PHF24: variants seen among roughly 807,000 people sequenced by gnomAD.
The protein encoded by PHF24 is Galpha inhibitory interacting protein.
Under a neutral mutation model 42.6 loss-of-function variants are expected in PHF24, and 25 were observed. The observed-to-expected ratio is 0.59, with a 90% CI of 0.43 to 0.82. PHF24 has a LOEUF of 0.82. Ranked by LOEUF, PHF24 falls within the 40% of genes least tolerant of loss-of-function variation. The pLI is 0.00. For synonymous variants in PHF24, 185 were observed against 204.8 expected, an observed-to-expected ratio of 0.90 and a Z score of 0.83; for missense variants, 470 against 538.1, an observed-to-expected ratio of 0.87 and a Z score of 1.25.
chr9:34,723,570 G>A, the PHF24 span: 2 of 1,551,622 alleles, frequency 1.3e-6, no homozygotes, highest in South Asian at 2.4e-5. Context: ...TTTGTCTTGG[G>A]GTTAATATGC....
chr9:34,893,266 A>T, the PHF24 span: 1 of 427,176 alleles, frequency 2.3e-6, no homozygotes, highest in Admixed American at 3.9e-5. Context: ...TGGAGCCTAC[A>T]CTCTCTTGTT....
At chr9:34,733,001 A>G in the PHF24 span, among the ~76,000 whole-genome samples, 1 of 152,216 alleles carries the variant, frequency 6.6e-6, no homozygotes, top group Admixed American at 6.5e-5. Context: ...TCATGTGTAT[A>G]AGTTCTTGTA....
the PHF24 span, chr9:34,723,947 C>T: frequency 8.4e-6 from 13 of 1,551,332 alleles, no homozygotes; most frequent in Admixed American, 2.0e-5. Context: ...ACGGCTCCAT[C>T]GCCAGGACCC....
the PHF24 span, among the ~76,000 whole-genome samples, chr9:34,864,519 A>C: frequency 6.6e-6 from 1 of 152,172 alleles, no homozygotes; most frequent in Non-Finnish European, 1.5e-5. Context: ...GAAAAAAAAA[A>C]CTTTTACCCT....
intron 1 of PHF24, among the ~76,000 whole-genome samples, chr9:34,968,107 T>G (rs1435965179): frequency 6.6e-6 from 1 of 152,244 alleles, no homozygotes; most frequent in Admixed American, 6.5e-5. Context: ...GATCATAACA[T>G]GAGCATTTTT....
the PHF24 span, among the ~76,000 whole-genome samples, chr9:34,881,728 C>G: frequency 2.6e-5 from 4 of 152,118 alleles, no homozygotes; most frequent in Middle Eastern, 3.4e-3. Flanking sequence ...AATAGCCTAC[C>G]AACCAAAAAA....
the PHF24 span, among the ~76,000 whole-genome samples, chr9:34,688,325 C>T: frequency 6.6e-6 from 1 of 152,180 alleles, no homozygotes; most frequent in Non-Finnish European, 1.5e-5. Context: ...TTAGAGAACA[C>T]TGTCTGGAGG....
the PHF24 span, among the ~76,000 whole-genome samples, chr9:34,719,313 A>G: frequency 1.3e-5 from 2 of 152,232 alleles, no homozygotes; most frequent in African/African-American, 4.8e-5. Context: ...TGTTGGGATT[A>G]TAGGCGGGAG....
chr9:34,959,593 A>T (rs1054998855), intron 1 of PHF24, among the ~76,000 whole-genome samples: 3 of 152,328 alleles, frequency 2.0e-5, no homozygotes, highest in African/African-American at 7.2e-5. Context: ...AAATGTGATG[A>T]TTAAATAAGT....
chr9:34,853,078 G>C, the PHF24 span, among the ~76,000 whole-genome samples: 1 of 152,148 alleles, frequency 6.6e-6, no homozygotes, highest in African/African-American at 2.4e-5. Flanking sequence ...TGCCCATTCA[G>C]CCTAATATTG....
At chr9:34,869,830 T>C in the PHF24 span, among the ~76,000 whole-genome samples, 7 of 152,316 alleles carry the variant, frequency 4.6e-5, no homozygotes, top group African/African-American at 1.7e-4. Context: ...TATCCCACTT[T>C]TTGAGGTTCT....
At chr9:34,840,441 C>T in the PHF24 span, among the ~76,000 whole-genome samples, 5 of 151,604 alleles carry the variant, frequency 3.3e-5, no homozygotes, top group Admixed American at 3.3e-4. Flanking sequence ...TTCTTCTTCT[C>T]CTTCTCCTCC....
chr9:34,698,330 G>A, the PHF24 span, among the ~76,000 whole-genome samples: 1 of 152,080 alleles, frequency 6.6e-6, no homozygotes, highest in Admixed American at 6.5e-5. Flanking sequence ...TATGGAGATG[G>A]GGACAAGCTG....
At chr9:34,773,013 G>A in the PHF24 span, among the ~76,000 whole-genome samples, 1 of 145,468 alleles carries the variant, frequency 6.9e-6, no homozygotes, top group Admixed American at 6.9e-5. Context: ...TTTTTGAGAT[G>A]GAATTTTGCT....
chr9:34,781,021 G>A, the PHF24 span, among the ~76,000 whole-genome samples: 2 of 152,268 alleles, frequency 1.3e-5, no homozygotes, highest in South Asian at 2.1e-4. Flanking sequence ...GAACCTTTGC[G>A]CATTGCCAGT....
chr9:34,908,375 G>A, the PHF24 span, among the ~76,000 whole-genome samples: 147,118 of 152,328 alleles, frequency 0.97, 71,103 homozygotes, highest in Non-Finnish European at 0.99. Flanking sequence ...TAGTCAAGAC[G>A]GAAACAGAAA....
the PHF24 span, among the ~76,000 whole-genome samples, chr9:34,828,784 GCTT>G: frequency 6.6e-6 from 1 of 152,126 alleles, no homozygotes; most frequent in Non-Finnish European, 1.5e-5. Flanking sequence ...ACTGGCTACT[GCTT>G]CTTTGTTCCT....
the PHF24 span, among the ~76,000 whole-genome samples, chr9:34,945,711 T>C: frequency 1.3e-5 from 2 of 152,210 alleles, no homozygotes; most frequent in African/African-American, 4.8e-5. Flanking sequence ...CCTTCCACCA[T>C]GTTATAACAC....
At chr9:34,808,675 G>C in the PHF24 span, among the ~76,000 whole-genome samples, 5,001 of 152,138 alleles carry the variant, frequency 0.033, 280 homozygotes, top group African/African-American at 0.11. Flanking sequence ...GCATCTTCCA[G>C]AGTTGGGGAA....
Sources: gnomAD v4.1 joint callset for allele counts (sites outside exome capture counted in the v4.1 genomes callset) on GRCh38, gnomAD v4.1.1 for gene constraint, MANE v1.5 for transcripts, NCBI Gene and HGNC (gene_info 2026-07-23, HGNC 2026-07-21) for gene names.